The following SATB2 variants were observed in gnomAD, a reference collection of about 807,000 sequenced individuals.
SATB2 encodes SATB homeobox 2.
Under a neutral mutation model 73.4 loss-of-function variants are expected in SATB2, and 1 was observed. That is an observed-to-expected ratio of 0.01 (90% confidence interval 0.00 to 0.06). SATB2 has a LOEUF of 0.06. Among genes scored for constraint, SATB2 ranks in the 10% least tolerant of loss-of-function variants. The pLI is 1.00. For synonymous variants in SATB2, 397 were observed against 367.0 expected (o/e 1.08, Z -0.93); for missense variants, 459 against 945.8 (o/e 0.49, Z 6.75).
chr2:199,321,470 G>A (rs1469304538), intron 9 of SATB2, among the ~76,000 whole-genome samples: 1 of 149,632 alleles, frequency 6.7e-6, no homozygotes, highest in Non-Finnish European at 1.5e-5. Context: ...ATTTATATAT[G>A]TATACACATA....
upstream of SATB2, among the ~76,000 whole-genome samples, chr2:199,462,350 G>C (rs1354568223): frequency 1.3e-5 from 2 of 152,182 alleles, no homozygotes; most frequent in Non-Finnish European, 1.5e-5. The surrounding 1 kb of genome is among the most constrained non-coding windows in gnomAD (Gnocchi z 5.9). Context: ...TCCGTGGAGA[G>C]TTGGCGACCA....
At chr2:199,289,159 T>C (rs951915337) in intron 10 of SATB2, among the ~76,000 whole-genome samples, 1 of 152,192 alleles carries the variant, frequency 6.6e-6, no homozygotes, top group Non-Finnish European at 1.5e-5. Flanking sequence ...TATGGGAATA[T>C]TGGTTTTGTA....
At chr2:199,411,444 G>A (rs6730784) in intron 3 of SATB2, among the ~76,000 whole-genome samples, 95,624 of 152,082 alleles carry the variant, frequency 0.63, 32,651 homozygotes, top group Non-Finnish European at 0.76. Flanking sequence ...TTTTTTCAAC[G>A]AATACTATTT....
chr2:199,329,031 C>A (rs1688113411), intron 7 of SATB2, 121 bp from the exon 8 acceptor site: 1 of 755,798 alleles, frequency 1.3e-6, no homozygotes, highest in Admixed American at 2.0e-5. Flanking sequence ...TGTCAAGAAC[C>A]TCACACTAAT....
At chr2:199,410,687 C>A (rs1333527086) in intron 3 of SATB2, among the ~76,000 whole-genome samples, 1 of 152,130 alleles carries the variant, frequency 6.6e-6, no homozygotes, top group African/African-American at 2.4e-5. Context: ...AGAATGAATG[C>A]TCCATTATTT....
chr2:199,297,890 G>A (rs919295167), intron 10 of SATB2, among the ~76,000 whole-genome samples: 17 of 151,338 alleles, frequency 1.1e-4, no homozygotes, highest in Non-Finnish European at 2.4e-4. Flanking sequence ...CAGCTGAGAA[G>A]AAAAGTTCTC....
intron 2 of SATB2, among the ~76,000 whole-genome samples, chr2:199,441,389 T>C (rs1559057054): frequency 6.6e-6 from 1 of 152,182 alleles, no homozygotes; most frequent in Non-Finnish European, 1.5e-5. Context: ...TTGAATATTA[T>C]TTCTCAATTT....
chr2:199,276,030 C>T (rs1437194487), intron 10 of SATB2, among the ~76,000 whole-genome samples: 3 of 152,208 alleles, frequency 2.0e-5, no homozygotes, highest in South Asian at 4.1e-4. Flanking sequence ...CAGAGAGTTA[C>T]TGTCTCTAGA....
At chr2:199,363,820 C>T (rs16831358) in intron 6 of SATB2, among the ~76,000 whole-genome samples, 12,674 of 152,198 alleles carry the variant, frequency 0.083, 591 homozygotes, top group East Asian at 0.15. Flanking sequence ...TTTATCCTGC[C>T]ATTACTTTCA....
At chr2:199,428,761 G>GCTCTAAGAA (rs1691409092) in intron 3 of SATB2, among the ~76,000 whole-genome samples, 1 of 152,188 alleles carries the variant, frequency 6.6e-6, no homozygotes, top group Non-Finnish European at 1.5e-5. Flanking sequence ...CCTGGGTATA[G>GCTCTAAGAA]TGGCTCACAC....
chr2:199,385,959 G>T (rs1023416204), intron 3 of SATB2, among the ~76,000 whole-genome samples: 1 of 152,110 alleles, frequency 6.6e-6, no homozygotes, highest in Non-Finnish European at 1.5e-5. Flanking sequence ...GGGTTATCAT[G>T]AGACTTTACA....
chr2:199,362,355 C>T (rs1216238963), intron 6 of SATB2, among the ~76,000 whole-genome samples: 6 of 141,468 alleles, frequency 4.2e-5, no homozygotes, highest in African/African-American at 1.1e-4. Flanking sequence ...TCTCCCTAAC[C>T]GCCCACCCCC....
chr2:199,341,238 A>G (rs1052408933), intron 7 of SATB2, among the ~76,000 whole-genome samples: 5 of 152,242 alleles, frequency 3.3e-5, no homozygotes, highest in South Asian at 2.1e-4. Flanking sequence ...TTTCATGTAC[A>G]TAGGCCTAGT....
chr2:199,320,137 G>A (rs1330723057), intron 9 of SATB2, among the ~76,000 whole-genome samples: 1 of 152,132 alleles, frequency 6.6e-6, no homozygotes, highest in East Asian at 1.9e-4. Context: ...CACGCAGACA[G>A]AATGTGGGGC....
At chr2:199,401,180 T>C (rs1690462292) in intron 3 of SATB2, among the ~76,000 whole-genome samples, 1 of 152,156 alleles carries the variant, frequency 6.6e-6, no homozygotes, top group Non-Finnish European at 1.5e-5. Context: ...ACTATACTCA[T>C]GAAACTTAGG....
intron 3 of SATB2, among the ~76,000 whole-genome samples, chr2:199,393,402 A>C (rs1295709355): frequency 6.6e-6 from 1 of 152,084 alleles, no homozygotes; most frequent in Admixed American, 6.5e-5. Flanking sequence ...ACATATGGAA[A>C]AGTGAGCGCC....
intron 7 of SATB2, among the ~76,000 whole-genome samples, chr2:199,329,932 T>C (rs1031687903): frequency 1.6e-4 from 25 of 152,254 alleles, no homozygotes; most frequent in African/African-American, 5.3e-4. Flanking sequence ...AGCTAATATA[T>C]TGCTTCTCAG....
chr2:199,303,191 C>T (rs1428176666), intron 10 of SATB2, among the ~76,000 whole-genome samples: 3 of 152,140 alleles, frequency 2.0e-5, no homozygotes, highest in South Asian at 2.1e-4. Context: ...TCACTTTGAG[C>T]GAGTTACTTT....
intron 2 of SATB2, among the ~76,000 whole-genome samples, chr2:199,442,860 C>G (rs1289651600): frequency 1.3e-5 from 2 of 152,114 alleles, no homozygotes; most frequent in African/African-American, 4.8e-5. Context: ...ATCCTTAGTT[C>G]AAGCCTAAAT....
Sources: allele counts gnomAD v4.1 joint callset (sites outside exome capture counted in the v4.1 genomes callset), GRCh38; gene constraint gnomAD v4.1.1; non-coding constraint Gnocchi (gnomAD v3.1); transcripts MANE v1.5; gene names NCBI Gene and HGNC (gene_info 2026-07-23, HGNC 2026-07-21).